Variants in CEP126 observed in about 807,000 individuals in gnomAD.
The protein encoded by CEP126 is centrosomal protein of 126 kDa.
Under a neutral mutation model 107.8 loss-of-function variants are expected in CEP126, and 74 were observed. The ratio of observed to expected loss-of-function variants is 0.69; its 90% CI spans 0.57 to 0.83. The LOEUF (loss-of-function observed/expected upper bound fraction) is 0.83. Among genes scored for constraint, CEP126 ranks in the 40% least tolerant of loss-of-function variants. The pLI is 0.00. For missense variants in CEP126, 1,237 were observed against 1,281.9 expected (o/e 0.96, Z 0.53); for synonymous variants, 449 against 446.0 (o/e 1.01, Z -0.08).
At chr11:101,988,964 T>C (rs545376429) in intron 9 of CEP126, among the ~76,000 whole-genome samples, 20 of 152,180 alleles carry the variant, frequency 1.3e-4, no homozygotes, top group Admixed American at 1.2e-3. Context: ...ATTTTAAAAA[T>C]CAAATAGATG....
chr11:101,957,738 C>A (rs1940918107), intron 4 of CEP126, among the ~76,000 whole-genome samples: 4 of 152,110 alleles, frequency 2.6e-5, no homozygotes. Flanking sequence ...TCAACCAACA[C>A]TATTAGGGTT....
At chr11:101,958,106 A>T in intron 4 of CEP126, 62 bp from the exon 5 acceptor site, 1 of 1,383,782 alleles carries the variant, frequency 7.2e-7, no homozygotes, top group Non-Finnish European at 1.0e-6. Context: ...TCATGTATAT[A>T]CATATAGAAA....
In CEP126 at chr11:101,932,081, T is replaced by C. The variant is rs551496347; in HGVS notation, c.248+9321T>C. 5.3e-5 allele frequency among the ~76,000 whole-genome samples: 8 copies of C among 152,320 alleles called. No homozygotes were observed. In the South Asian group the frequency reaches 1.0e-3, roughly 20 times the overall value. ...GGTAAATAGGAAGCAAAAATGTACT[T>C]TCTCAACTCTGAATTCTACAATGGT... On this transcript the variant is annotated intron_variant, in intron 2 of 10. Transcript: ENST00000263468.
Position 101,963,781 on chromosome 11 carries a change from G to C in CEP126, c.2746G>C (p.Glu916Gln), listed in dbSNP as rs1483999179. The C allele has an allele frequency of 2.3e-5, 37 of 1,614,002 alleles. No individual in the cohort carries two copies. Among genetic ancestry groups the C allele is most frequent in the Non-Finnish European group, 2.9e-5 (34 of 1,180,016 alleles). The change falls in exon 6 of 11, where the codon GAA becomes CAA. Residue 916 changes from glutamate (E) to glutamine (Q), a missense_variant. Glu to Gln is a conservative substitution (Grantham distance 29, BLOSUM62 2). This residue lies in a region of CEP126 where 1,134 missense variants were observed against 1,150.5 expected (regional missense o/e 0.99). Transcript: ENST00000263468. ...YCTQRSPVCE[E>Q]SYPSVTLRTA... ...CACCCAAAGAAGTCCTGTTTGTGAA[G>C]AAAGTTATCCGTCTGTGACTCTAAG... is the stretch of plus-strand genomic sequence containing the variant.
intron 1 of CEP126, among the ~76,000 whole-genome samples, chr11:101,918,926 G>A (rs760130360): frequency 6.6e-6 from 1 of 152,124 alleles, no homozygotes; most frequent in Admixed American, 6.6e-5. Context: ...GATACATCAC[G>A]GGTTGTTCTG....
At chr11:101,987,665 T>TA (rs5794149) in intron 9 of CEP126, among the ~76,000 whole-genome samples, 50 of 142,614 alleles carry the variant, frequency 3.5e-4, no homozygotes, top group Non-Finnish European at 5.4e-4. Flanking sequence ...AATTTTTTTC[T>TA]AAAAAAAAAA....
intron 2 of CEP126, among the ~76,000 whole-genome samples, chr11:101,935,294 A>G (rs1459903995): frequency 5.3e-5 from 8 of 151,918 alleles, no homozygotes; most frequent in African/African-American, 1.7e-4. Flanking sequence ...ATTTTCTTCT[A>G]ACCTGTGGCT....
Position 102,000,623 on chromosome 11 carries a change from C to CAG in CEP126, c.*2983_*2984dup, listed in dbSNP as rs1371591371. On this transcript the variant is annotated 3_prime_UTR_variant, in exon 11 of 11. Transcript: ENST00000263468. ...GGGAGGATCGTTTGAGCCTGGGAGG[C>CAG]AGAGGTTGCAGTGATCAGGAATTGT... The CAG allele has an allele frequency of 6.6e-6, 1 of 151,326 alleles. No individual in the cohort carries two copies. The highest frequency in any genetic ancestry group is 1.5e-5 in the Non-Finnish European group (1 of 67,934). 9.4% of individuals were successfully genotyped at this position (151,326 alleles called of 1,614,324 possible).
chr11:101,999,909 A>G lies in CEP126; in HGVS notation c.*2266A>G, dbSNP rs1941487704. On this transcript the variant is annotated 3_prime_UTR_variant, in exon 11 of 11. Transcript: ENST00000263468. ...TAAAATATAAAAATGTTGGCTGTGC[A>G]CGGTAGCTTATGCCTGTAATCTCAG... 1 of 152,314 alleles carries G rather than the reference A, an allele frequency of 6.6e-6. No homozygotes were observed. The highest frequency in any genetic ancestry group is 2.4e-5 in the African/African-American group (1 of 41,442). The allele number at this position is 152,314 out of a possible 1,614,324, so 9.4% of individuals were successfully genotyped here.
rs772235241 is a variant in CEP126 at position 101,961,955 on chromosome 11, A to G, written c.920A>G (p.Gln307Arg). 1.9e-6 allele frequency: 3 copies of G among 1,610,426 alleles called. No homozygotes were observed. Among genetic ancestry groups the G allele is most frequent in the Non-Finnish European group, 2.5e-6 (3 of 1,178,372 alleles). ...GATAAACTGGCATTCTCTAAAACTC[A>G]ACATATAAATAATTGGCTTACAAAT... is the stretch of plus-strand genomic sequence containing the variant. ...DEDKLAFSKT[Q>R]HINNWLTNLD... is the part of the protein sequence containing the mutation. Residue 307 changes from glutamine (Q) to arginine (R), a missense_variant, in exon 6 of 11, where the codon CAA becomes CGA. Physicochemically the swap from Gln to Arg is conservative, Grantham distance 43. Transcript: ENST00000263468.
chr11:101,971,582 G>T (rs528080407), intron 6 of CEP126, among the ~76,000 whole-genome samples: 3 of 151,340 alleles, frequency 2.0e-5, no homozygotes, highest in African/African-American at 7.3e-5. Context: ...TTTTAGGTGG[G>T]GACTCACTGC....
At chr11:101,944,113 G>T (rs1940704408) in intron 2 of CEP126, 152 bp from the exon 3 acceptor site, 1 of 641,360 alleles carries the variant, frequency 1.6e-6, no homozygotes, top group Non-Finnish European at 2.5e-6. Flanking sequence ...ATAAGTCTTT[G>T]GCAAACACCT....
In CEP126 at chr11:101,978,266, A is replaced by G; in HGVS notation, c.2846-81A>G. 5.9e-6 allele frequency: 5 copies of G among 844,942 alleles called. No individual in the cohort carries two copies. The South Asian group carries it at 6.4e-5, about 11-fold the overall frequency. The allele number at this position is 844,942 out of a possible 1,614,324, so 52.3% of individuals were successfully genotyped here. The stretch of plus-strand genomic sequence containing the variant: ...TTACAGAGTTTTCTTGATATTTGAA[A>G]GTAACTTGAAAATTTGCAGTGGGTA... On this transcript the variant is annotated intron_variant, in intron 6 of 10. Transcript: ENST00000263468.
intron 1 of CEP126, chr11:101,916,641 C>T (rs542891009): frequency 1.3e-5 from 2 of 152,144 alleles, no homozygotes; most frequent in East Asian, 1.9e-4. Context: ...ATTCTGGCCT[C>T]TTGACATTAT....
At chr11:101,982,737 C>T (rs1027324194) in intron 8 of CEP126, among the ~76,000 whole-genome samples, 11 of 152,120 alleles carry the variant, frequency 7.2e-5, no homozygotes, top group African/African-American at 1.9e-4. Flanking sequence ...TAATCTTCTG[C>T]TTACAAGTAG....
intron 8 of CEP126, 23 bp from the exon 9 acceptor site, chr11:101,986,809 A>G: frequency 1.3e-6 from 2 of 1,593,248 alleles, no homozygotes; most frequent in Non-Finnish European, 1.7e-6. Flanking sequence ...GGTTCAAAGA[A>G]TAACTGATGT....
At chr11:101,997,239 T>C (rs1622630) in intron 10 of CEP126, among the ~76,000 whole-genome samples, 57,955 of 152,034 alleles carry the variant, frequency 0.38, 11,267 homozygotes, top group East Asian at 0.51. Flanking sequence ...GGTTTTACCA[T>C]GTTGGCCAGG....
intron 2 of CEP126, among the ~76,000 whole-genome samples, chr11:101,923,127 GTTTAA>G (rs1208519419): frequency 1.3e-5 from 2 of 152,008 alleles, no homozygotes; most frequent in Non-Finnish European, 2.9e-5. Flanking sequence ...TATAGTTTGA[GTTTAA>G]TTTGTTATTC....
chr11:101,961,975 A>G lies in CEP126; in HGVS notation c.940A>G (p.Thr314Ala). The change falls in exon 6 of 11, where the codon ACA (threonine) becomes GCA (alanine). Residue 314 changes from threonine (T) to alanine (A), a missense_variant. Physicochemically the swap from Thr to Ala is moderately conservative, Grantham distance 58. This residue lies in a region of CEP126 where 1,134 missense variants were observed against 1,150.5 expected (regional missense o/e 0.99). Coordinates refer to ENST00000263468, the MANE Select transcript of CEP126 (RefSeq NM_020802.4). The stretch of plus-strand genomic sequence containing the variant: ...AACTCAACATATAAATAATTGGCTT[A>G]CAAATTTAGATGCTTCAAATACTCA... ...SKTQHINNWLTNLDASNTQNV... is the reference protein window; with the variant it reads ...SKTQHINNWLANLDASNTQNV... 1.2e-6 allele frequency: 2 copies of G among 1,611,208 alleles called. No individual in the cohort carries two copies. The highest frequency in any genetic ancestry group is 1.7e-6 in the Non-Finnish European group (2 of 1,178,666).
Sources: allele counts gnomAD v4.1 joint callset (sites outside exome capture counted in the v4.1 genomes callset), GRCh38; gene constraint gnomAD v4.1.1; regional missense constraint gnomAD v4.1.1; transcripts MANE v1.5; gene names NCBI Gene and HGNC (gene_info 2026-07-23, HGNC 2026-07-21).